Variants in CNTNAP5 observed in about 807,000 individuals in gnomAD.
The protein encoded by CNTNAP5 is contactin-associated protein-like 5.
In CNTNAP5, 72 loss-of-function variants were observed where a neutral mutation model predicts 150.2. That is an observed-to-expected ratio of 0.48 (90% CI 0.40 to 0.58). The LOEUF (loss-of-function observed/expected upper bound fraction) is 0.58, where lower values mean the gene tolerates loss of function less well. Among genes scored for constraint, CNTNAP5 ranks in the 20% least tolerant of loss-of-function variants. The pLI is 0.00. For synonymous variants in CNTNAP5, 672 were observed against 619.8 expected (o/e 1.08, Z -1.25); for missense variants, 1,636 against 1,626.2 (o/e 1.01, Z -0.10).
At chr2:124,072,905 A>G (rs1021462687) in intron 1 of CNTNAP5, among the ~76,000 whole-genome samples, 13 of 152,052 alleles carry the variant, frequency 8.5e-5, no homozygotes, top group African/African-American at 2.4e-4. Flanking sequence ...AGCCAAAGCT[A>G]TCTCAGCAAA....
At chr2:124,325,617 T>C (rs539381298) in intron 3 of CNTNAP5, among the ~76,000 whole-genome samples, 1 of 152,304 alleles carries the variant, frequency 6.6e-6, no homozygotes, top group Admixed American at 6.5e-5. Flanking sequence ...GAGCTCCAAC[T>C]CTGGAACTCA....
intron 1 of CNTNAP5, among the ~76,000 whole-genome samples, chr2:124,101,558 A>G (rs1312169985): frequency 6.6e-6 from 1 of 152,228 alleles, no homozygotes; most frequent in Non-Finnish European, 1.5e-5. Flanking sequence ...ACGAATCCCA[A>G]ACATCCATGG....
chr2:124,539,606 G>A (rs58944984), intron 10 of CNTNAP5, among the ~76,000 whole-genome samples: 30,859 of 152,064 alleles, frequency 0.2, 3,769 homozygotes, highest in African/African-American at 0.35. Context: ...ATAACTGCAA[G>A]GTGTTAAACA....
intron 22 of CNTNAP5, among the ~76,000 whole-genome samples, 174 bp from the exon 23 acceptor site, chr2:124,911,293 C>T (rs1323012424): frequency 6.6e-6 from 1 of 151,986 alleles, no homozygotes; most frequent in Non-Finnish European, 1.5e-5. Context: ...CAGTGCACTT[C>T]AAATGCTTTC....
intron 13 of CNTNAP5, among the ~76,000 whole-genome samples, chr2:124,722,219 A>G (rs1306817658): frequency 6.6e-6 from 1 of 152,116 alleles, no homozygotes; most frequent in Non-Finnish European, 1.5e-5. Flanking sequence ...CATGCAAAAT[A>G]CAATCACTCC....
chr2:124,440,366 T>C (rs746656588), intron 5 of CNTNAP5, among the ~76,000 whole-genome samples: 15 of 152,026 alleles, frequency 9.9e-5, no homozygotes, highest in Non-Finnish European at 1.9e-4. Flanking sequence ...TCAAATACAA[T>C]CTTAAACATG....
intron 1 of CNTNAP5, among the ~76,000 whole-genome samples, chr2:124,050,221 G>T (rs1165865508): frequency 1.3e-5 from 2 of 152,076 alleles, no homozygotes; most frequent in African/African-American, 4.8e-5. Flanking sequence ...CCAGTAATTT[G>T]GGAGGCCAAG....
At chr2:124,755,453 C>G (rs1217958423) in intron 14 of CNTNAP5, among the ~76,000 whole-genome samples, 1 of 152,214 alleles carries the variant, frequency 6.6e-6, no homozygotes, top group Non-Finnish European at 1.5e-5. Context: ...CACAGATACA[C>G]AAGGAGACAT....
chr2:124,313,815 G>T (rs1688892423), intron 3 of CNTNAP5, among the ~76,000 whole-genome samples: 1 of 152,124 alleles, frequency 6.6e-6, no homozygotes, highest in Non-Finnish European at 1.5e-5. Context: ...TGGTGCGAGG[G>T]ATACCAGAAA....
intron 3 of CNTNAP5, among the ~76,000 whole-genome samples, chr2:124,346,310 T>A (rs1469625693): frequency 6.6e-6 from 1 of 152,172 alleles, no homozygotes; most frequent in Non-Finnish European, 1.5e-5. Context: ...CAACATTGAG[T>A]TGTGACTGTT....
At chr2:124,255,485 C>T (rs1021027557) in intron 3 of CNTNAP5, among the ~76,000 whole-genome samples, 5 of 151,108 alleles carry the variant, frequency 3.3e-5, no homozygotes, top group South Asian at 2.1e-4. Context: ...GATCACGCCA[C>T]GGCACTCTAG....
Position 124,772,824 on chromosome 2 carries a change from C to A in CNTNAP5, c.2559C>A (p.Ile853=). 6.2e-7 allele frequency: 1 copy of A among 1,613,606 alleles called. No individual in the cohort carries two copies. Among genetic ancestry groups the A allele is most frequent in the Non-Finnish European group, 8.5e-7 (1 of 1,179,658 alleles). ...ISSPSEITFA[I]DVGNGPVELV... ...CTCCTTCAGAGATCACCTTTGCCAT[C>A]GATGTTGGGAATGGTCCTGTGGAGC... Residue 853 remains isoleucine, a synonymous_variant, in exon 17 of 24, where the codon ATC becomes ATA. Transcript: ENST00000682447.
intron 13 of CNTNAP5, among the ~76,000 whole-genome samples, chr2:124,677,460 T>C (rs982718023): frequency 6.6e-6 from 1 of 152,204 alleles, no homozygotes; most frequent in Non-Finnish European, 1.5e-5. Context: ...CCAGCTTTTA[T>C]TCCCTTATTT....
At chr2:124,627,106 G>C (rs1265933075) in intron 12 of CNTNAP5, among the ~76,000 whole-genome samples, 3 of 152,170 alleles carry the variant, frequency 2.0e-5, no homozygotes, top group Admixed American at 1.3e-4. Context: ...CAGCATCTGC[G>C]GGGAGGGGAA....
In CNTNAP5 at chr2:124,504,553, A is replaced by C. The variant is rs767133809; in HGVS notation, c.1324A>C (p.Thr442Pro). Reference protein sequence around the residue: ...KMTERVAEILTGSNLNDGLWH... With the variant: ...KMTERVAEILPGSNLNDGLWH... ...GACAGAACGCGTAGCTGAAATCCTCACAGGTACTGTCTGCTGACACTCTGG... is the reference window on the plus strand; with the variant it reads ...GACAGAACGCGTAGCTGAAATCCTCCCAGGTACTGTCTGCTGACACTCTGG... The change falls in exon 8 of 24, where the codon ACA becomes CCA. Residue 442 changes from threonine (T) to proline (P), a missense_variant. Physicochemically the swap from Thr to Pro is conservative, Grantham distance 38 (BLOSUM62 -1). Transcript: ENST00000682447. 3 of 1,613,208 alleles carry C rather than the reference A, an allele frequency of 1.9e-6. No homozygotes were observed. The Admixed American group carries it at 5.0e-5, about 27-fold the overall frequency.
rs533538580 is a variant in CNTNAP5, at chr2:124,551,829, G to A, written c.1650-11388G>A. 2.6e-5 allele frequency among the ~76,000 whole-genome samples: 4 copies of A among 152,266 alleles called. No homozygotes were observed. In the East Asian group the frequency reaches 7.7e-4, roughly 29 times the overall value. On this transcript the variant is annotated intron_variant, in intron 10 of 23. Transcript: ENST00000682447. ...AAATGGAGAAGAGGGAAATTTAACA[G>A]GGAAGAAAAATTATTTCCGTAGGTT...
chr2:124,255,646 G>C (rs1325281039), intron 3 of CNTNAP5, among the ~76,000 whole-genome samples: 5 of 151,772 alleles, frequency 3.3e-5, no homozygotes, highest in Non-Finnish European at 5.9e-5. Context: ...AAAAATGTAG[G>C]AGTCTTTAAG....
rs547886960 is a variant in CNTNAP5 at position 124,273,139 on chromosome 2, G to A, written c.381+30746G>A. ...AAGTGTGCAACATACCCAGTATAAT[G>A]CCTGTCACATATTAAATGCTCAATA... is the stretch of plus-strand genomic sequence containing the variant. On this transcript the variant is annotated intron_variant, in intron 3 of 23. Transcript: ENST00000682447. Among the ~76,000 whole-genome samples the A allele has an allele frequency of 5.3e-5, 8 of 152,274 alleles. No homozygotes were observed. In the South Asian group the frequency reaches 1.7e-3, roughly 32 times the overall value.
intron 22 of CNTNAP5, among the ~76,000 whole-genome samples, chr2:124,910,702 G>C (rs1678637065): frequency 6.6e-6 from 1 of 151,808 alleles, no homozygotes; most frequent in Admixed American, 6.6e-5. Flanking sequence ...TTTGCCAAAG[G>C]GGAACAACAA....
Sources: allele counts gnomAD v4.1 joint callset (sites outside exome capture counted in the v4.1 genomes callset), GRCh38; gene constraint gnomAD v4.1.1; transcripts MANE v1.5; gene names NCBI Gene and HGNC (gene_info 2026-07-23, HGNC 2026-07-21).